Variants in EFCAB11 observed in about 807,000 individuals in gnomAD.
EFCAB11 encodes EF-hand calcium binding domain 11.
Under a neutral mutation model 23.0 loss-of-function variants are expected in EFCAB11, and 14 were observed. That is an observed-to-expected ratio of 0.61 (90% CI 0.40 to 0.95). The LOEUF (loss-of-function observed/expected upper bound fraction) is 0.95. Among genes scored for constraint, EFCAB11 ranks in the 40% least tolerant of loss-of-function variants. EFCAB11 has a pLI of 0.00. For missense variants in EFCAB11, 198 were observed against 195.8 expected, an observed-to-expected ratio of 1.01 and a Z score of -0.07; for synonymous variants, 65 against 66.6, an observed-to-expected ratio of 0.98 and a Z score of 0.11.
At chr14:89,923,580 G>A in intron 5 of EFCAB11, 2 of 697,672 alleles carry the variant, frequency 2.9e-6, no homozygotes, top group Non-Finnish European at 3.5e-6. Flanking sequence ...AGGTATAGCT[G>A]ATGACTGTTA....
intron 5 of EFCAB11, among the ~76,000 whole-genome samples, chr14:89,855,094 T>G (rs1012722250): frequency 2.6e-5 from 4 of 152,020 alleles, no homozygotes; most frequent in African/African-American, 9.7e-5. Context: ...CATGAGGAAA[T>G]TTCAGTGTCC....
intron 5 of EFCAB11, among the ~76,000 whole-genome samples, chr14:89,888,026 T>C (rs1312777463): frequency 1.3e-5 from 2 of 152,190 alleles, no homozygotes; most frequent in East Asian, 3.8e-4. Flanking sequence ...GCCATGCCCT[T>C]AAGTCACTGT....
chr14:89,836,584 G>A lies in EFCAB11; in HGVS notation c.411-39260C>T, dbSNP rs1355279702. 1.3e-5 allele frequency: 6 copies of A among 456,618 alleles called. No homozygotes were observed. The East Asian group carries it at 4.2e-4, about 32-fold the overall frequency. The allele number at this position is 456,618 out of a possible 1,614,324, so 28.3% of individuals were successfully genotyped here. A position where few individuals can be genotyped will look rare whatever the true frequency, so the allele number is the denominator to read the frequency against. ...GACGTCAGTACTCCCCTGTGCCATA[G>A]ATGTTCCACATGAACCTCCAGGAAA... On this transcript the variant is annotated intron_variant, in intron 5 of 5. Coordinates refer to ENST00000316738, the MANE Select transcript of EFCAB11 (RefSeq NM_145231.4).
chr14:89,836,351 CT>C (rs1163680883), intron 5 of EFCAB11: 3 of 340,772 alleles, frequency 8.8e-6, no homozygotes, highest in East Asian at 1.5e-4. Context: ...TACCCATTAC[CT>C]TTTAGACCAC....
chr14:89,916,957 A>G (rs937129189), intron 5 of EFCAB11, among the ~76,000 whole-genome samples: 10 of 152,176 alleles, frequency 6.6e-5, no homozygotes, highest in Non-Finnish European at 1.5e-4. Context: ...AAAATTGTCT[A>G]TATTTAAGGT....
chr14:89,854,749 C>G (rs1243935258), intron 5 of EFCAB11, among the ~76,000 whole-genome samples: 1 of 152,150 alleles, frequency 6.6e-6, no homozygotes, highest in Non-Finnish European at 1.5e-5. Context: ...AATGGAGCTA[C>G]CATTCACTCA....
intron 5 of EFCAB11, chr14:89,931,283 C>G: frequency 2.4e-6 from 1 of 421,994 alleles, no homozygotes; most frequent in Non-Finnish European, 4.2e-6. Flanking sequence ...CTGTTCCTCT[C>G]CTGCCCCTAC....
chr14:89,810,228 G>A (rs894216931), intron 5 of EFCAB11, among the ~76,000 whole-genome samples: 1 of 152,202 alleles, frequency 6.6e-6, no homozygotes, highest in South Asian at 2.1e-4. Context: ...GAGCATGTGA[G>A]TGGGAGAGTT....
At chr14:89,893,637 C>A (rs1350787263) in intron 5 of EFCAB11, among the ~76,000 whole-genome samples, 1 of 152,110 alleles carries the variant, frequency 6.6e-6, no homozygotes, top group Non-Finnish European at 1.5e-5. Context: ...CCAACTTTAT[C>A]AGTCTCTGTG....
chr14:89,828,011 T>C lies in EFCAB11; in HGVS notation c.411-30687A>G, dbSNP rs553260960. Among the ~76,000 whole-genome samples the C allele has an allele frequency of 2.2e-3, 339 of 152,288 alleles. 1 individual carries two copies. The highest frequency in any genetic ancestry group is 7.9e-3 in the African/African-American group (329 of 41,568). On this transcript the variant is annotated intron_variant, in intron 5 of 5. Coordinates refer to ENST00000316738, the MANE Select transcript of EFCAB11 (RefSeq NM_145231.4). ...GCCACTTTTTGAGACATAAAACTCT[T>C]TTCCAGGGCACCTGGAAGAGTTATC...
chr14:89,806,807 A>G (rs558133610), intron 5 of EFCAB11, among the ~76,000 whole-genome samples: 4 of 152,310 alleles, frequency 2.6e-5, no homozygotes, highest in South Asian at 4.1e-4. Context: ...GATTTGGTTC[A>G]GTTCTCAATT....
chr14:89,881,452 C>CATATATATATATATATATATATATAT (rs10530483), intron 5 of EFCAB11, among the ~76,000 whole-genome samples: 1,306 of 46,348 alleles, frequency 0.028, 219 homozygotes, highest in Non-Finnish European at 0.034. Context: ...TATGACTTGG[C>CATATATATATATATATATATATATAT]ATATATATAT....
chr14:89,845,429 T>C (rs995287463), intron 5 of EFCAB11, among the ~76,000 whole-genome samples: 2 of 152,190 alleles, frequency 1.3e-5, no homozygotes, highest in African/African-American at 4.8e-5. Context: ...GCATACTTCT[T>C]ATATTACTTT....
At chr14:89,809,662 G>A (rs1886086589) in intron 5 of EFCAB11, among the ~76,000 whole-genome samples, 1 of 152,192 alleles carries the variant, frequency 6.6e-6, no homozygotes, top group African/African-American at 2.4e-5. Flanking sequence ...GTGCAGAAGT[G>A]TAAGAAGACA....
chr14:89,925,249 T>C (rs1485569370), intron 5 of EFCAB11, among the ~76,000 whole-genome samples: 2 of 152,182 alleles, frequency 1.3e-5, no homozygotes, highest in Non-Finnish European at 2.9e-5. Context: ...TTGGGACTGA[T>C]GTAAGATGAG....
chr14:89,881,466 T>TATATATATA (rs10524743), intron 5 of EFCAB11, among the ~76,000 whole-genome samples: 11 of 122,208 alleles, frequency 9.0e-5, no homozygotes, highest in East Asian at 4.8e-4. Flanking sequence ...TATATATATA[T>TATATATATA]TCTTTTTTTT....
At chr14:89,818,611 A>ACAG (rs764943110) in intron 5 of EFCAB11, among the ~76,000 whole-genome samples, 2 of 152,260 alleles carry the variant, frequency 1.3e-5, no homozygotes, top group Non-Finnish European at 2.9e-5. Flanking sequence ...CAGACAAGCT[A>ACAG]CAGCCTAGAA....
chr14:89,886,650 CAA>C (rs1888794668), intron 5 of EFCAB11, among the ~76,000 whole-genome samples: 5 of 149,868 alleles, frequency 3.3e-5, no homozygotes, highest in Admixed American at 3.3e-4. Flanking sequence ...AATATTAAGA[CAA>C]GATAAAGGGA....
chr14:89,811,298 C>A (rs915825166), intron 5 of EFCAB11, among the ~76,000 whole-genome samples: 2 of 152,094 alleles, frequency 1.3e-5, no homozygotes, highest in African/African-American at 4.8e-5. Context: ...TATGTAAGGA[C>A]CTTGGTCGTG....
Sources: allele counts gnomAD v4.1 joint callset (sites outside exome capture counted in the v4.1 genomes callset), GRCh38; gene constraint gnomAD v4.1.1; transcripts MANE v1.5; gene names NCBI Gene and HGNC (gene_info 2026-07-23, HGNC 2026-07-21).